Variants in SNX30 observed in about 807,000 individuals in gnomAD.
SNX30 encodes sorting nexin-30.
In SNX30, 24 loss-of-function variants were observed where a neutral mutation model predicts 46.4. That is an observed-to-expected ratio of 0.52 (90% CI 0.37 to 0.73). The LOEUF is 0.73. Among genes scored for constraint, SNX30 ranks in the 30% least tolerant of loss-of-function variants. The pLI is 0.00. For synonymous variants in SNX30, 189 were observed against 211.5 expected (o/e 0.89, Z 0.92); for missense variants, 533 against 555.7 (o/e 0.96, Z 0.41).
At chr9:112,806,112 T>TTATA (rs1840220766) in intron 2 of SNX30, among the ~76,000 whole-genome samples, 1 of 152,172 alleles carries the variant, frequency 6.6e-6, no homozygotes. Flanking sequence ...GGGGGCTGTC[T>TTATA]TATAGAGTGT....
At chr9:112,852,270 G>A (rs1309175003) in intron 7 of SNX30, among the ~76,000 whole-genome samples, 3 of 151,524 alleles carry the variant, frequency 2.0e-5, no homozygotes, top group Non-Finnish European at 4.4e-5. Context: ...AAAAGGTTTT[G>A]GATTTTGGGG....
downstream of SNX30, among the ~76,000 whole-genome samples, chr9:112,884,675 T>G (rs958406024): frequency 2.0e-5 from 3 of 152,246 alleles, no homozygotes; most frequent in African/African-American, 7.2e-5. Context: ...GCTAAATGTC[T>G]ACAACAGAGG....
chr9:112,854,015 C>T (rs1330902520), intron 7 of SNX30, among the ~76,000 whole-genome samples: 1 of 152,240 alleles, frequency 6.6e-6, no homozygotes, highest in African/African-American at 2.4e-5. Flanking sequence ...ATTTTAAAGA[C>T]GTCATGTATG....
intron 1 of SNX30, among the ~76,000 whole-genome samples, chr9:112,771,342 A>G (rs1839645675): frequency 6.6e-6 from 1 of 152,248 alleles, no homozygotes; most frequent in African/African-American, 2.4e-5. Context: ...TATGGCTATT[A>G]GTAGGGTGCT....
At chr9:112,757,660 TC>T (rs1839372043) in intron 1 of SNX30, among the ~76,000 whole-genome samples, 1 of 152,222 alleles carries the variant, frequency 6.6e-6, no homozygotes, top group East Asian at 1.9e-4. Context: ...TATCATTTTG[TC>T]TTGCTTTCCC....
At position 112,817,805 on chromosome 9, in the gene SNX30, A is replaced by C; in HGVS notation, c.449A>C (p.His150Pro). Residue 150 changes from histidine (H) to proline (P), a missense_variant, in exon 3 of 9, where the codon CAT becomes CCT. Transcript: ENST00000374232. ...AAACTGGAAGAATCCCAGCCCACTC[A>C]TCTCATTCCCGTAGGTAGTAAGTCA... ...RSKLEESQPTHLIPPLPEKFV... is the reference protein window; with the variant it reads ...RSKLEESQPTPLIPPLPEKFV... 6.2e-7 allele frequency: 1 copy of C among 1,610,392 alleles called. No individual in the cohort carries two copies. Among genetic ancestry groups the C allele is most frequent in the Non-Finnish European group, 8.5e-7 (1 of 1,176,630 alleles).
intron 1 of SNX30, among the ~76,000 whole-genome samples, chr9:112,775,181 G>A (rs1011767920): frequency 1.6e-5 from 2 of 127,712 alleles, no homozygotes; most frequent in African/African-American, 6.1e-5. Context: ...TTGAGACGGA[G>A]TTTTACTCTT....
intron 2 of SNX30, among the ~76,000 whole-genome samples, chr9:112,809,564 T>TA (rs34041084): frequency 0.14 from 19,736 of 145,298 alleles, 1,373 homozygotes; most frequent in African/African-American, 0.2. Flanking sequence ...CAGTGGTGTG[T>TA]AAAAAAAAAA....
At chr9:112,755,560 T>C (rs1350099272) in intron 1 of SNX30, among the ~76,000 whole-genome samples, 2 of 151,960 alleles carry the variant, frequency 1.3e-5, no homozygotes, top group Admixed American at 6.6e-5. Context: ...TGATTATATA[T>C]TGAAAAGGAT....
intron 3 of SNX30, among the ~76,000 whole-genome samples, chr9:112,826,575 G>A (rs1229334842): frequency 6.6e-6 from 1 of 152,146 alleles, no homozygotes; most frequent in East Asian, 1.9e-4. Context: ...GAACAAATGG[G>A]TCAAGGACAC....
At chr9:112,788,517 C>T (rs1212458346) in intron 1 of SNX30, among the ~76,000 whole-genome samples, 1 of 152,194 alleles carries the variant, frequency 6.6e-6, no homozygotes, top group Non-Finnish European at 1.5e-5. Flanking sequence ...GCACCTTCTT[C>T]CTACCTAAGG....
intron 2 of SNX30, among the ~76,000 whole-genome samples, chr9:112,817,126 A>G (rs1238706810): frequency 1.3e-5 from 2 of 151,944 alleles, no homozygotes; most frequent in Non-Finnish European, 1.5e-5. Flanking sequence ...AACCTTTTCT[A>G]TTTTCATCTA....
At chr9:112,867,510 C>T (rs992305736) in intron 8 of SNX30, among the ~76,000 whole-genome samples, 3 of 151,542 alleles carry the variant, frequency 2.0e-5, no homozygotes, top group Admixed American at 6.6e-5. Context: ...ACTCCTCCTC[C>T]TTCCTCAGAA....
intron 6 of SNX30, among the ~76,000 whole-genome samples, chr9:112,849,966 T>C (rs547692548): frequency 2.0e-5 from 3 of 152,362 alleles, no homozygotes; most frequent in Admixed American, 2.0e-4. Flanking sequence ...GACACCTTTC[T>C]AGAAGGTCTA....
At chr9:112,848,287 G>C (rs10759590) in intron 6 of SNX30, among the ~76,000 whole-genome samples, 141,060 of 152,058 alleles carry the variant, frequency 0.93, 65,496 homozygotes, top group East Asian at 1. Context: ...GGCCTCATCT[G>C]ACAGCCATAG....
intron 4 of SNX30, among the ~76,000 whole-genome samples, chr9:112,832,378 G>A (rs1454590144): frequency 6.7e-6 from 1 of 148,242 alleles, no homozygotes; most frequent in African/African-American, 2.5e-5. Context: ...GAAAAGGGAG[G>A]GAAAAGCTTG....
chr9:112,874,799 C>G lies in SNX30; in HGVS notation c.*5956C>G, dbSNP rs1435073722. The G allele has an allele frequency of 2.0e-5, 3 of 151,774 alleles. No individual in the cohort carries two copies. Among genetic ancestry groups the G allele is most frequent in the African/African-American group, 7.3e-5 (3 of 41,300 alleles). 9.4% of individuals were successfully genotyped at this position (151,774 alleles called of 1,614,324 possible). ...TTTTGTTGACTTTTTGATGCTGGCACGAGGTTTTTGTCCACTTTTTTCATA... is the reference window on the plus strand; with the variant it reads ...TTTTGTTGACTTTTTGATGCTGGCAGGAGGTTTTTGTCCACTTTTTTCATA... On this transcript the variant is annotated 3_prime_UTR_variant, in exon 9 of 9. Transcript: ENST00000374232.
chr9:112,854,879 A>G (rs1841095549), intron 7 of SNX30, among the ~76,000 whole-genome samples: 1 of 152,208 alleles, frequency 6.6e-6, no homozygotes, highest in South Asian at 2.1e-4. Context: ...TTGTGATGCC[A>G]TAAAGTGCTC....
intron 1 of SNX30, among the ~76,000 whole-genome samples, chr9:112,755,485 A>G (rs975584235): frequency 7.2e-5 from 11 of 151,888 alleles, no homozygotes; most frequent in Admixed American, 7.2e-4. Flanking sequence ...TGCTAGGGCC[A>G]TGGGGTGGGA....
Sources: allele counts gnomAD v4.1 joint callset (sites outside exome capture counted in the v4.1 genomes callset), GRCh38; gene constraint gnomAD v4.1.1; transcripts MANE v1.5; gene names NCBI Gene and HGNC (gene_info 2026-07-23, HGNC 2026-07-21).